CTNNA3: variants seen among roughly 807,000 people sequenced by gnomAD.
CTNNA3 encodes catenin alpha-3.
A neutral mutation model predicts 95.7 loss-of-function variants in CTNNA3; 76 were observed. The ratio of observed to expected loss-of-function variants is 0.79; its 90% CI spans 0.66 to 0.96. CTNNA3 has a LOEUF of 0.96. CTNNA3 is among the 40% of genes least tolerant of loss of function. CTNNA3 has a pLI of 0.00. For synonymous variants in CTNNA3, 431 were observed against 374.4 expected (o/e 1.15, Z -1.74); for missense variants, 1,191 against 1,089.8 (o/e 1.09, Z -1.31).
intron 7 of CTNNA3, among the ~76,000 whole-genome samples, chr10:67,140,946 A>G (rs562322440): frequency 6.6e-6 from 1 of 152,314 alleles, no homozygotes; most frequent in Non-Finnish European, 1.5e-5. Flanking sequence ...ATGCCAAGAA[A>G]GACATAAAGA....
chr10:66,567,251 C>A (rs1437848980), intron 10 of CTNNA3, among the ~76,000 whole-genome samples: 5 of 151,956 alleles, frequency 3.3e-5, no homozygotes, highest in Non-Finnish European at 5.9e-5. Flanking sequence ...GGCATGGGAG[C>A]CTATGAAGAA....
chr10:66,094,404 T>C (rs2081317344), intron 14 of CTNNA3, among the ~76,000 whole-genome samples: 1 of 152,068 alleles, frequency 6.6e-6, no homozygotes, highest in African/African-American at 2.4e-5. Context: ...TGTATGATGA[T>C]AGATGACAGA....
chr10:66,302,664 A>T (rs2091879415), intron 12 of CTNNA3, among the ~76,000 whole-genome samples: 1 of 152,138 alleles, frequency 6.6e-6, no homozygotes, highest in African/African-American at 2.4e-5. Flanking sequence ...TAAGATGTTA[A>T]CTTTAAGGGA....
intron 7 of CTNNA3, among the ~76,000 whole-genome samples, chr10:67,136,285 TAAAG>T (rs1403807951): frequency 1.3e-5 from 2 of 152,090 alleles, no homozygotes; most frequent in Admixed American, 6.6e-5. Context: ...TCATATGGTA[TAAAG>T]ATTTATGTGT....
At chr10:66,945,878 C>T (rs944076106) in intron 7 of CTNNA3, among the ~76,000 whole-genome samples, 3 of 151,984 alleles carry the variant, frequency 2.0e-5, no homozygotes, top group South Asian at 2.1e-4. Flanking sequence ...GTCAGTGAAG[C>T]GGTCAGGACA....
chr10:66,486,080 G>A (rs997589497), intron 11 of CTNNA3, among the ~76,000 whole-genome samples: 1 of 152,166 alleles, frequency 6.6e-6, no homozygotes, highest in Non-Finnish European at 1.5e-5. Flanking sequence ...ATGGATTAAA[G>A]ACTTAAAGTT....
At chr10:67,557,011 T>C (rs972322529) in intron 3 of CTNNA3, among the ~76,000 whole-genome samples, 4 of 152,248 alleles carry the variant, frequency 2.6e-5, no homozygotes, top group Non-Finnish European at 5.9e-5. Context: ...TTTTGTTATG[T>C]ACCCAGTAGT....
rs530592254 is a variant in CTNNA3 at position 67,563,945 on chromosome 10, A to G, written c.293-24276T>C. Among the ~76,000 whole-genome samples, 3 of 149,242 alleles carry G rather than the reference A, an allele frequency of 2.0e-5. No homozygotes were observed. In the East Asian group the frequency reaches 5.8e-4, roughly 29 times the overall value. ...ATGCAAATCAAAACCACAATGAGATACCATCTCACACCAGTTAGAATGGCG... is the reference window on the plus strand; with the variant it reads ...ATGCAAATCAAAACCACAATGAGATGCCATCTCACACCAGTTAGAATGGCG... On this transcript the variant is annotated intron_variant, in intron 3 of 17. Transcript: ENST00000433211.
At chr10:67,576,551 A>C (rs908068336) in intron 3 of CTNNA3, among the ~76,000 whole-genome samples, 15 of 150,804 alleles carry the variant, frequency 9.9e-5, no homozygotes, top group African/African-American at 3.4e-4. Flanking sequence ...TCTTTATTTT[A>C]TTTTATTTTA....
intron 1 of CTNNA3, among the ~76,000 whole-genome samples, chr10:67,734,434 T>C (rs1412052583): frequency 6.6e-6 from 1 of 152,050 alleles, no homozygotes; most frequent in Non-Finnish European, 1.5e-5. Flanking sequence ...AAAATAAATA[T>C]AAGACTCAAA....
intron 10 of CTNNA3, among the ~76,000 whole-genome samples, chr10:66,577,005 A>AATTTTTTTTTTTTTTTTTTTTTTT: frequency 6.7e-6 from 1 of 148,346 alleles, no homozygotes; most frequent in Admixed American, 6.8e-5. Flanking sequence ...TTGTTTCTTA[A>AATTTTTTTTTTTTTTTTTTTTTTT]CTTTTTAATA....
intron 5 of CTNNA3, among the ~76,000 whole-genome samples, chr10:67,344,474 G>A (rs1044067869): frequency 3.9e-5 from 6 of 151,982 alleles, no homozygotes; most frequent in African/African-American, 1.4e-4. Context: ...AAGCCACTGG[G>A]TCTGGGCTTT....
At chr10:66,690,735 G>T (rs1847494615) in intron 9 of CTNNA3, among the ~76,000 whole-genome samples, 1 of 151,672 alleles carries the variant, frequency 6.6e-6, no homozygotes, top group Non-Finnish European at 1.5e-5. Context: ...TTGGACATTT[G>T]GGTTGGTTCC....
At chr10:66,868,242 A>G (rs1162740503) in intron 7 of CTNNA3, among the ~76,000 whole-genome samples, 1 of 150,830 alleles carries the variant, frequency 6.6e-6, no homozygotes, top group Non-Finnish European at 1.5e-5. Flanking sequence ...GCTAGCACCT[A>G]TAATCCCAGT....
intron 7 of CTNNA3, among the ~76,000 whole-genome samples, chr10:67,164,147 T>C (rs1310022932): frequency 2.0e-5 from 3 of 151,946 alleles, no homozygotes; most frequent in Admixed American, 2.0e-4. Context: ...ACAAAGTAGC[T>C]AGGATAGCTA....
At chr10:67,438,667 T>G (rs1401862219) in intron 5 of CTNNA3, among the ~76,000 whole-genome samples, 1 of 152,120 alleles carries the variant, frequency 6.6e-6, no homozygotes, top group Non-Finnish European at 1.5e-5. Flanking sequence ...CAGCTTTGAA[T>G]TGCTGGTGCC....
chr10:67,443,820 T>C (rs544455312), intron 5 of CTNNA3, among the ~76,000 whole-genome samples: 1 of 152,254 alleles, frequency 6.6e-6, no homozygotes, highest in South Asian at 2.1e-4. Flanking sequence ...ATTTGTCAAT[T>C]TTGGCTTTTG....
chr10:65,928,717 A>C (rs2077204674), intron 17 of CTNNA3, among the ~76,000 whole-genome samples: 1 of 152,174 alleles, frequency 6.6e-6, no homozygotes, highest in Non-Finnish European at 1.5e-5. Context: ...CCCTCACTCC[A>C]TCTACCAGGA....
intron 1 of CTNNA3, among the ~76,000 whole-genome samples, chr10:67,656,775 G>C (rs1181218873): frequency 6.6e-6 from 1 of 152,106 alleles, no homozygotes; most frequent in African/African-American, 2.4e-5. Context: ...GCCTAAGGCA[G>C]AAAAGCAGTG....
Sources: allele counts gnomAD v4.1 joint callset (sites outside exome capture counted in the v4.1 genomes callset), GRCh38; gene constraint gnomAD v4.1.1; transcripts MANE v1.5; gene names NCBI Gene and HGNC (gene_info 2026-07-23, HGNC 2026-07-21).